Variants in DMD observed in about 807,000 individuals in gnomAD.
DMD encodes mutant dystrophin.
Under a neutral mutation model 330.1 loss-of-function variants are expected in DMD, and 63 were observed. The ratio of observed to expected loss-of-function variants is 0.19; its 90% CI spans 0.16 to 0.24. The LOEUF (loss-of-function observed/expected upper bound fraction) is 0.24. Among genes scored for constraint, DMD ranks in the 10% least tolerant of loss-of-function variants. The pLI is 1.00. For missense variants in DMD, 3,344 were observed against 2,684.1 expected, an observed-to-expected ratio of 1.25 and a Z score of -5.43; for synonymous variants, 1,223 against 959.8, an observed-to-expected ratio of 1.27 and a Z score of -5.07.
intron 1 of DMD, among the ~76,000 whole-genome samples, chrX:33,272,902 C>T (rs73623937): frequency 8.3e-4 from 92 of 111,117 alleles, no homozygotes; most frequent in African/African-American, 2.8e-3. Context: ...TTGACAAATC[C>T]TAAAATAATT....
At chrX:32,217,252 T>A (rs779662421) in intron 43 of DMD, among the ~76,000 whole-genome samples, 189 bp from the exon 44 acceptor site, 5 of 111,541 alleles carry the variant, frequency 4.5e-5, no homozygotes, top group African/African-American at 1.3e-4. Flanking sequence ...CACAACATTT[T>A]AAAAAAATAC....
In DMD at chrX:32,877,538, T is replaced by C. The variant is rs554013485; in HGVS notation, c.94-27718A>G. 1.5e-3 allele frequency among the ~76,000 whole-genome samples: 164 copies of C among 112,182 alleles called. 1 individual carries two copies. The highest frequency in any genetic ancestry group is 5.1e-3 in the African/African-American group (157 of 30,879). ...ACGTAATCTTCTGAAAGTTAGCCCT[T>C]TAGAGGTTATAGCCAAAAAATCGTG... is the stretch of plus-strand genomic sequence containing the variant. On this transcript the variant is annotated intron_variant, in intron 2 of 78. Transcript: ENST00000357033.
intron 44 of DMD, among the ~76,000 whole-genome samples, chrX:31,999,174 T>C (rs1305206501): frequency 8.9e-6 from 1 of 112,125 alleles, no homozygotes; most frequent in Non-Finnish European, 1.9e-5. Flanking sequence ...TCTTGACTCA[T>C]ACTTTCCCAT....
intron 9 of DMD, among the ~76,000 whole-genome samples, chrX:32,661,807 A>G (rs911827833): frequency 4.5e-5 from 5 of 111,645 alleles, no homozygotes; most frequent in East Asian, 2.8e-4. Context: ...ATGAACTACC[A>G]TAAGTTTCAT....
At chrX:31,319,350 A>G (rs1226070404) in intron 62 of DMD, among the ~76,000 whole-genome samples, 2 of 112,190 alleles carry the variant, frequency 1.8e-5, no homozygotes, top group Non-Finnish European at 1.9e-5. Context: ...GCTAAAGTCG[A>G]CTCTGGATAA....
At chrX:32,652,629 T>G (rs1482907802) in intron 9 of DMD, among the ~76,000 whole-genome samples, 1 of 111,270 alleles carries the variant, frequency 9.0e-6, no homozygotes. Context: ...CAGCATGATT[T>G]TTAATCCTTT....
intron 44 of DMD, among the ~76,000 whole-genome samples, chrX:31,988,461 G>A (rs1205363155): frequency 4.8e-5 from 3 of 62,997 alleles, no homozygotes; most frequent in African/African-American, 2.1e-4. Context: ...GCAACAGAGT[G>A]AGACTCCATC....
intron 2 of DMD, among the ~76,000 whole-genome samples, chrX:32,954,654 A>C (rs2091461943): frequency 9.0e-6 from 1 of 110,944 alleles, no homozygotes; most frequent in African/African-American, 3.3e-5. Flanking sequence ...TAAGCCTACT[A>C]ACCATCAGTT....
chrX:32,226,685 G>A (rs1383089102), intron 43 of DMD, among the ~76,000 whole-genome samples: 2 of 111,108 alleles, frequency 1.8e-5, no homozygotes, highest in African/African-American at 3.3e-5. Flanking sequence ...TTTTACCTCT[G>A]AGTCTCAGTT....
At chrX:31,853,346 A>C (rs1281669357) in intron 48 of DMD, among the ~76,000 whole-genome samples, 1 of 112,073 alleles carries the variant, frequency 8.9e-6, no homozygotes, top group Non-Finnish European at 1.9e-5. Context: ...TGTTCCAATA[A>C]CTCTTTATTT....
chrX:32,678,821 A>C (rs1284731827), intron 9 of DMD, among the ~76,000 whole-genome samples: 1 of 111,873 alleles, frequency 8.9e-6, no homozygotes, highest in Non-Finnish European at 1.9e-5. Flanking sequence ...AATTCTAATA[A>C]ATAAATGACT....
At chrX:31,293,216 T>TCTG (rs1569519886) in intron 62 of DMD, among the ~76,000 whole-genome samples, 7 of 94,339 alleles carry the variant, frequency 7.4e-5, no homozygotes, top group African/African-American at 2.8e-4. Flanking sequence ...TGTGTGTGTG[T>TCTG]GTGTGTGTGT....
chrX:32,313,197 C>A (rs2097570846), intron 41 of DMD, among the ~76,000 whole-genome samples: 2 of 110,173 alleles, frequency 1.8e-5, no homozygotes, highest in African/African-American at 6.6e-5. Flanking sequence ...AAAGCATATC[C>A]ATCACAATCA....
At chrX:31,308,041 T>C (rs765197961) in intron 62 of DMD, among the ~76,000 whole-genome samples, 44 of 111,462 alleles carry the variant, frequency 3.9e-4, no homozygotes, top group Non-Finnish European at 7.0e-4. Flanking sequence ...TAGTTCACAA[T>C]AGGGCTTGTG....
intron 55 of DMD, among the ~76,000 whole-genome samples, chrX:31,546,613 C>T (rs2074153624): frequency 8.9e-6 from 1 of 112,394 alleles, no homozygotes; most frequent in Non-Finnish European, 1.9e-5. Context: ...ACAACTTCCT[C>T]TTGCCCACTG....
At chrX:32,596,520 T>C (rs181375713) in intron 12 of DMD, among the ~76,000 whole-genome samples, 20 of 104,583 alleles carry the variant, frequency 1.9e-4, no homozygotes, top group Non-Finnish European at 3.3e-4. Context: ...TTGATTACCC[T>C]CCTACCTATG....
At chrX:32,615,575 C>T (rs1366027242) in intron 11 of DMD, among the ~76,000 whole-genome samples, 1 of 111,398 alleles carries the variant, frequency 9.0e-6, no homozygotes, top group African/African-American at 3.3e-5. Context: ...ATATTCTGAA[C>T]ATTGATCTTA....
chrX:33,021,581 C>CT (rs2147768871), intron 1 of DMD, among the ~76,000 whole-genome samples: 1 of 111,414 alleles, frequency 9.0e-6, no homozygotes, highest in Admixed American at 9.6e-5. Flanking sequence ...TAAGGAATCA[C>CT]TTTCGCATAA....
intron 44 of DMD, among the ~76,000 whole-genome samples, chrX:32,185,067 A>G (rs751753536): frequency 9.9e-5 from 11 of 110,841 alleles, no homozygotes; most frequent in Non-Finnish European, 1.9e-4. Flanking sequence ...TTGTGTGTCC[A>G]CTTCCTCAGT....
Sources: gnomAD v4.1 joint callset for allele counts (sites outside exome capture counted in the v4.1 genomes callset) on GRCh38, gnomAD v4.1.1 for gene constraint, MANE v1.5 for transcripts, NCBI Gene and HGNC (gene_info 2026-07-23, HGNC 2026-07-21) for gene names.